Variants in ZNF148 observed in about 807,000 individuals in gnomAD.
The protein encoded by ZNF148 is zinc finger protein 148, also known as Beta-Enolase Repressor Factor-1.
ZNF148 carries 7 observed loss-of-function variants against 67.7 expected under a neutral mutation model. The observed-to-expected ratio is 0.10, with a 90% confidence interval of 0.06 to 0.19. The LOEUF is 0.19. ZNF148 is among the 10% of genes least tolerant of loss of function. The pLI is 1.00. For synonymous variants in ZNF148, 333 were observed against 330.7 expected, an observed-to-expected ratio of 1.01 and a Z score of -0.08; for missense variants, 583 against 947.1, an observed-to-expected ratio of 0.62 and a Z score of 5.05.
intron 7 of ZNF148, among the ~76,000 whole-genome samples, chr3:125,266,866 A>G (rs1937542406): frequency 6.6e-6 from 1 of 152,150 alleles, no homozygotes; most frequent in Non-Finnish European, 1.5e-5. Flanking sequence ...CAAAAGTGAC[A>G]TTATAACTAA....
At chr3:125,317,658 T>TAGAGAGAGAGAGAGAGAGAGACAG (rs796905351) in intron 3 of ZNF148, among the ~76,000 whole-genome samples, 1 of 27,972 alleles carries the variant, frequency 3.6e-5, no homozygotes, top group Non-Finnish European at 6.8e-5. Flanking sequence ...TATATATATA[T>TAGAGAGAGAGAGAGAGAGAGACAG]ATATAGAGAG....
intron 7 of ZNF148, among the ~76,000 whole-genome samples, chr3:125,276,060 G>C (rs1003572797): frequency 6.6e-6 from 1 of 152,142 alleles, no homozygotes; most frequent in African/African-American, 2.4e-5. Flanking sequence ...AAACTCCAAA[G>C]AAAGAAACTG....
At chr3:125,338,678 A>AAC (rs1289822554) in intron 1 of ZNF148, 5 of 151,108 alleles carry the variant, frequency 3.3e-5, no homozygotes, top group African/African-American at 9.7e-5. Flanking sequence ...AAAAAAAAAA[A>AAC]AAAAACTATC....
At chr3:125,286,897 T>C (rs1938690126) in intron 5 of ZNF148, among the ~76,000 whole-genome samples, 1 of 152,196 alleles carries the variant, frequency 6.6e-6, no homozygotes, top group South Asian at 2.1e-4. Context: ...AATTTGCTAT[T>C]GTAGGCATAT....
chr3:125,250,833 C>A (rs1179349631), intron 7 of ZNF148, among the ~76,000 whole-genome samples: 1 of 148,976 alleles, frequency 6.7e-6, no homozygotes, highest in African/African-American at 2.5e-5. Flanking sequence ...TTCTCCTGCT[C>A]CTCTCTGTCA....
At position 125,233,677 on chromosome 3, in the gene ZNF148, G is replaced by A; in HGVS notation, c.1049C>T (p.Ser350Phe). 1 of 1,613,920 alleles carries A rather than the reference G, an allele frequency of 6.2e-7. No homozygotes were observed. Among genetic ancestry groups the A allele is most frequent in the Non-Finnish European group, 8.5e-7 (1 of 1,179,900 alleles). The change falls in exon 9 of 9, where the codon TCT becomes TTT. Residue 350 changes from serine (S) to phenylalanine (F), a missense_variant. Around this residue, in one of 5 missense-constraint regions of ZNF148, gnomAD observed 78 missense variants for 86.5 expected, o/e 0.90. Transcript: ENST00000360647. The surrounding 1 kb of genome is among the most constrained non-coding windows in gnomAD (Gnocchi z 5.1). ...CTCATCTTTTACTTTAGTACTTGAA[G>A]AATAAAGAGGCAAGTAATCATTTTT... ...KDKNDYLPLY[S>F]SSTKVKDEYM...
intron 1 of ZNF148, among the ~76,000 whole-genome samples, chr3:125,349,326 A>G (rs1017536792): frequency 6.6e-5 from 10 of 152,344 alleles, no homozygotes; most frequent in African/African-American, 2.4e-4. Context: ...GCAACTACAC[A>G]TCTGCTAAGG....
intron 4 of ZNF148, among the ~76,000 whole-genome samples, chr3:125,292,185 T>C (rs1939052991): frequency 6.6e-6 from 1 of 152,210 alleles, no homozygotes; most frequent in African/African-American, 2.4e-5. Flanking sequence ...AGTACACTGA[T>C]GGATAGGCCT....
chr3:125,235,672 T>G (rs1438738220), intron 7 of ZNF148, among the ~76,000 whole-genome samples: 4 of 152,124 alleles, frequency 2.6e-5, no homozygotes, highest in Non-Finnish European at 5.9e-5. Flanking sequence ...GCTGCACTAT[T>G]CACAATAGCA....
At chr3:125,290,286 G>A (rs1938936087) in intron 4 of ZNF148, among the ~76,000 whole-genome samples, 1 of 152,004 alleles carries the variant, frequency 6.6e-6, no homozygotes, top group African/African-American at 2.4e-5. Context: ...CTCTCCTCTT[G>A]CCACTCCCTA....
chr3:125,299,860 A>C (rs915702266), intron 4 of ZNF148, among the ~76,000 whole-genome samples: 1 of 152,222 alleles, frequency 6.6e-6, no homozygotes, highest in Admixed American at 6.5e-5. Flanking sequence ...TTGTGAAAAA[A>C]CTAGAGTTGA....
intron 1 of ZNF148, chr3:125,343,982 T>C (rs553312569): frequency 6.0e-6 from 1 of 166,584 alleles, no homozygotes; most frequent in African/African-American, 2.4e-5. Context: ...ATACTGAAAG[T>C]TGAGTTCATT....
intron 1 of ZNF148, among the ~76,000 whole-genome samples, chr3:125,345,895 T>G (rs1337491978): frequency 6.6e-6 from 1 of 151,986 alleles, no homozygotes; most frequent in South Asian, 2.1e-4. Context: ...CACTGGTGAA[T>G]TCTACCAAAC....
intron 1 of ZNF148, among the ~76,000 whole-genome samples, chr3:125,346,454 G>A (rs1189501738): frequency 1.3e-5 from 2 of 152,172 alleles, no homozygotes; most frequent in Non-Finnish European, 2.9e-5. Flanking sequence ...CTACAGTAGA[G>A]GTTCTAGCAA....
At chr3:125,263,890 A>C (rs1937455146) in intron 7 of ZNF148, among the ~76,000 whole-genome samples, 1 of 152,204 alleles carries the variant, frequency 6.6e-6, no homozygotes, top group Admixed American at 6.5e-5. Flanking sequence ...GAAGCCTAGA[A>C]ATTTCAGCCC....
At chr3:125,333,222 T>G (rs1410820433) in intron 1 of ZNF148, among the ~76,000 whole-genome samples, 1 of 152,160 alleles carries the variant, frequency 6.6e-6, no homozygotes, top group African/African-American at 2.4e-5. Flanking sequence ...AGCACTAAAT[T>G]ACTGCAGCTA....
At position 125,306,107 on chromosome 3, in the gene ZNF148, A is replaced by G. The variant is rs748096474; in HGVS notation, c.333+7201T>C. ...TAACTCATGAATCAAAAAGAAATAA[A>G]GGAAGTTAGAAGTATCTTTAATTGA... is the stretch of plus-strand genomic sequence containing the variant. On this transcript the variant is annotated intron_variant, in intron 4 of 8. Transcript: ENST00000360647. 2.6e-5 allele frequency among the ~76,000 whole-genome samples: 4 copies of G among 152,320 alleles called. No homozygotes were observed. In the South Asian group the frequency reaches 8.3e-4, roughly 32 times the overall value.
At position 125,313,459 on chromosome 3, in the gene ZNF148, T is replaced by C; in HGVS notation, c.182A>G (p.Asp61Gly). 1 of 1,614,146 alleles carries C rather than the reference T, an allele frequency of 6.2e-7. No homozygotes were observed. Among genetic ancestry groups the C allele is most frequent in the Non-Finnish European group, 8.5e-7 (1 of 1,180,038 alleles). ...SMPHQEILAA[D>G]EVLQESEMRQ... Reference sequence around the variant, plus strand: ...CATTTCACTTTCTTGTAACACTTCATCTGCAGCAAGGATCTCCTGGTGAGG... The same window carrying C: ...CATTTCACTTTCTTGTAACACTTCACCTGCAGCAAGGATCTCCTGGTGAGG... The change falls in exon 4 of 9, where the codon GAT (aspartate) becomes GGT (glycine). Residue 61 changes from aspartate (D) to glycine (G), a missense_variant. By Grantham distance (94) the Asp-to-Gly change is moderately conservative. Transcript: ENST00000360647.
intron 4 of ZNF148, among the ~76,000 whole-genome samples, chr3:125,292,096 C>A (rs1338386920): frequency 2.6e-5 from 4 of 152,106 alleles, no homozygotes; most frequent in Non-Finnish European, 5.9e-5. Context: ...ACTGCAAGAA[C>A]AGTTTGATGT....
Sources: gnomAD v4.1 joint callset for allele counts (sites outside exome capture counted in the v4.1 genomes callset) on GRCh38, gnomAD v4.1.1 for gene constraint, gnomAD v4.1.1 regional missense constraint, Gnocchi (gnomAD v3.1) non-coding constraint, MANE v1.5 for transcripts, NCBI Gene and HGNC (gene_info 2026-07-23, HGNC 2026-07-21) for gene names.